Variants in TSR1 observed in about 807,000 individuals in gnomAD.
TSR1 encodes the protein TSR1 ribosome maturation factor.
TSR1 carries 81 observed loss-of-function variants against 90.9 expected under a neutral mutation model. The ratio of observed to expected loss-of-function variants is 0.89; its 90% CI spans 0.74 to 1.07. TSR1 has a LOEUF of 1.07. TSR1 is among the 50% of genes least tolerant of loss of function. The pLI is 0.00. For missense variants in TSR1, 989 were observed against 987.3 expected, an observed-to-expected ratio of 1.00 and a Z score of -0.02; for synonymous variants, 362 against 348.8, an observed-to-expected ratio of 1.04 and a Z score of -0.42.
In TSR1 at chr17:2,323,942, G is replaced by C; in HGVS notation, c.*254C>G. The C allele has an allele frequency of 1.3e-5, 18 of 1,398,962 alleles. No homozygotes were observed. Among genetic ancestry groups the C allele is most frequent in the Non-Finnish European group, 1.8e-5 (18 of 1,005,610 alleles). 86.7% of individuals were successfully genotyped at this position (1,398,962 alleles called of 1,614,324 possible). A position where few individuals can be genotyped will look rare whatever the true frequency, so the allele number is the denominator to read the frequency against. ...TGAAGACATTTTGTTTCCTAGTATT[G>C]TCAACTCTTAGTTATCAGATTCTTA... is the stretch of plus-strand genomic sequence containing the variant. On this transcript the variant is annotated 3_prime_UTR_variant, in exon 15 of 15. Transcript: ENST00000301364.
chr17:2,336,293 G>A (rs1246310619), intron 1 of TSR1, 38 bp downstream of exon 1: 7 of 1,612,286 alleles, frequency 4.3e-6, no homozygotes, highest in Middle Eastern at 1.6e-4. Flanking sequence ...GTTAATAACG[G>A]CCAAATAGCC....
chr17:2,329,652 G>C (rs1162222570), intron 10 of TSR1, among the ~76,000 whole-genome samples, 177 bp from the exon 11 acceptor site: 2 of 152,112 alleles, frequency 1.3e-5, no homozygotes, highest in Non-Finnish European at 2.9e-5. Context: ...ACCAATGACT[G>C]GCATTTAAGC....
chr17:2,324,685 C>A lies in TSR1; in HGVS notation c.2161+4G>T, dbSNP rs749819045. On this transcript the variant is annotated splice_donor_region_variant and intron_variant, in intron 13 of 14. Transcript: ENST00000301364. ...CAGATCCCATCCTCCTCCTTCATAC[C>A]CACCTCTGTTGAAGAACATGTAACG... The A allele has an allele frequency of 6.2e-7, 1 of 1,614,000 alleles. No homozygotes were observed. Among genetic ancestry groups the A allele is most frequent in the South Asian group, 1.1e-5 (1 of 91,062 alleles).
Position 2,324,814 on chromosome 17 carries a change from A to G in TSR1, c.2036T>C (p.Ile679Thr), listed in dbSNP as rs747800210. 8.7e-6 allele frequency: 14 copies of G among 1,613,258 alleles called. No homozygotes were observed. In the East Asian group the frequency reaches 8.9e-5, roughly 10 times the overall value. The change falls in exon 13 of 15, where the codon ATT (isoleucine) becomes ACT (threonine). Residue 679 changes from isoleucine (I) to threonine (T), a missense_variant. Physicochemically the swap from Ile to Thr is moderately conservative, Grantham distance 89. Transcript: ENST00000301364. Reference sequence around the variant, plus strand: ...TACTGACATAAGATGGCCTGTAGCAATGAGGCTGTGCATTCCTAAAGGACA... The same window carrying G: ...TACTGACATAAGATGGCCTGTAGCAGTGAGGCTGTGCATTCCTAAAGGACA... ...KQKSNGMHSL[I>T]ATGHLMSVDP...
At position 2,324,982 on chromosome 17, in the gene TSR1, C is replaced by G. The variant is rs964940364; in HGVS notation, c.2021-153G>C. On this transcript the variant is annotated intron_variant, in intron 12 of 14. Coordinates refer to ENST00000301364, the MANE Select transcript of TSR1 (RefSeq NM_018128.5). ...AAGATTGGTAAACTGTAAGCCCACACTTAACCTTGTCAATAGGTTCTTGAA... is the reference window on the plus strand; with the variant it reads ...AAGATTGGTAAACTGTAAGCCCACAGTTAACCTTGTCAATAGGTTCTTGAA... The G allele has an allele frequency of 1.7e-5, 14 of 801,150 alleles. No homozygotes were observed. The African/African-American group carries it at 2.4e-4, about 14-fold the overall frequency. The allele number at this position is 801,150 out of a possible 1,614,324, so 49.6% of individuals were successfully genotyped here.
At chr17:2,328,349 C>G (rs901555361) in intron 11 of TSR1, among the ~76,000 whole-genome samples, 3 of 150,748 alleles carry the variant, frequency 2.0e-5, no homozygotes, top group East Asian at 2.0e-4. Flanking sequence ...GAGTTCAAAA[C>G]CAGCCTGAAC....
In TSR1 at chr17:2,332,261, C is replaced by T. The variant is rs1293668917; in HGVS notation, c.1404G>A (p.Glu468=). ...GTTTATATTTCTCCAACATTTTTGCCTCAGCTTCTTCATCTACTTTCTTAT... is the reference window on the plus strand; with the variant it reads ...GTTTATATTTCTCCAACATTTTTGCTTCAGCTTCTTCATCTACTTTCTTAT... ...LYDKKVDEEA[E]AKMLEKYKQE... Residue 468 remains glutamate (E), a synonymous_variant, in exon 8 of 15, where the codon GAG becomes GAA. Coordinates refer to ENST00000301364, the MANE Select transcript of TSR1 (RefSeq NM_018128.5). 1 of 1,614,022 alleles carries T rather than the reference C, an allele frequency of 6.2e-7. No homozygotes were observed. The highest frequency in any genetic ancestry group is 2.2e-5 in the East Asian group (1 of 44,880).
chr17:2,325,110 G>C (rs937926812), intron 12 of TSR1, 194 bp downstream of exon 12: 8 of 598,554 alleles, frequency 1.3e-5, no homozygotes, highest in Non-Finnish European at 2.0e-5. Context: ...TTGAGGACTG[G>C]CTATACACTG....
intron 9 of TSR1, 36 bp from the exon 10 acceptor site, chr17:2,330,661 C>T: frequency 1.3e-6 from 2 of 1,595,252 alleles, no homozygotes; most frequent in Non-Finnish European, 1.7e-6. Context: ...CATGGAGTTA[C>T]CTTTCAAAGT....
In TSR1 at chr17:2,335,234, T is replaced by C. The variant is rs1368838194; in HGVS notation, c.556+26A>G. The C allele has an allele frequency of 3.7e-6, 6 of 1,609,598 alleles. No individual in the cohort carries two copies. In the Admixed American group the frequency reaches 1.0e-4, roughly 27 times the overall value. On this transcript the variant is annotated intron_variant, in intron 4 of 14. Transcript: ENST00000301364. ...GGCATAGTGCCTGACAAATTAAAGG[T>C]GCACAATAAATGCTAACTCACTTAC...
At chr17:2,333,479 G>A (rs535665361) in intron 6 of TSR1, 78 bp downstream of exon 6, 2 of 1,574,220 alleles carry the variant, frequency 1.3e-6, no homozygotes, top group Middle Eastern at 1.7e-4. Context: ...CTATCCTATA[G>A]GGCCCTCACT....
Position 2,334,591 on chromosome 17 carries a change from A to G in TSR1, c.862T>C (p.Leu288=). 2 of 1,614,142 alleles carry G rather than the reference A, an allele frequency of 1.2e-6. No homozygotes were observed. Among genetic ancestry groups the G allele is most frequent in the Non-Finnish European group, 1.7e-6 (2 of 1,180,034 alleles). ...TCACCATATCCAACGATATGCAGCA[A>G]CCTATTGACATTCAGAGTCTGCCCT... ...VRGQTLNVNR[L]LHIVGYGDFQ... is the part of the protein sequence containing the mutation. Residue 288 remains leucine, a synonymous_variant, in exon 5 of 15, where the codon TTG becomes CTG. Transcript: ENST00000301364.
Position 2,331,110 on chromosome 17 carries a change from C to T in TSR1, c.1497-1G>A. ...CTTAAGGCCTCTGTATTTCTGAAAT[C>T]TAGAATATTGAAGATTTTTAAAGAC... On this transcript the variant is annotated splice_acceptor_variant, in intron 8 of 14. Transcript: ENST00000301364. LOFTEE classifies it high-confidence loss of function. The T allele has an allele frequency of 6.4e-7, 1 of 1,571,642 alleles. No individual in the cohort carries two copies. The highest frequency in any genetic ancestry group is 8.6e-7 in the Non-Finnish European group (1 of 1,167,450).
Position 2,323,264 on chromosome 17 carries a change from A to G in TSR1, c.*932T>C, listed in dbSNP as rs1461043958. On this transcript the variant is annotated 3_prime_UTR_variant, in exon 15 of 15. Coordinates refer to ENST00000301364, the MANE Select transcript of TSR1 (RefSeq NM_018128.5). ...CAGAAACCATAGCAGATGGTGTCAA[A>G]TCCAGCATTGGCTTGAACACCTGGC... 4 of 1,614,220 alleles carry G rather than the reference A, an allele frequency of 2.5e-6. No homozygotes were observed. Among genetic ancestry groups the G allele is most frequent in the Non-Finnish European group, 3.4e-6 (4 of 1,180,022 alleles).
At position 2,324,942 on chromosome 17, in the gene TSR1, GC is replaced by G. The variant is rs2075566409; in HGVS notation, c.2021-114del. Reference sequence around the variant, plus strand: ...AGCCTGGTTTGTCATCCCTGCCCTAGCCCAATCTGAGGCTAAGATTGGTAAA... The same window carrying G: ...AGCCTGGTTTGTCATCCCTGCCCTAGCCAATCTGAGGCTAAGATTGGTAAA... On this transcript the variant is annotated intron_variant, in intron 12 of 14. Coordinates refer to ENST00000301364, the MANE Select transcript of TSR1 (RefSeq NM_018128.5). 8.8e-6 allele frequency: 11 copies of G among 1,248,446 alleles called. No individual in the cohort carries two copies. In the South Asian group the frequency reaches 1.4e-4, roughly 16 times the overall value. The allele number at this position is 1,248,446 out of a possible 1,614,324, so 77.3% of individuals were successfully genotyped here.
At chr17:2,331,136 A>G (rs757948356) in intron 8 of TSR1, 27 bp from the exon 9 acceptor site, 14 of 1,546,440 alleles carry the variant, frequency 9.1e-6, no homozygotes, top group Non-Finnish European at 1.1e-5. Flanking sequence ...TTTTAAAGAC[A>G]TTAAGTCAGA....
In TSR1 at chr17:2,335,292, G is replaced by A. The variant is rs1451412831; in HGVS notation, c.524C>T (p.Ser175Phe). The change falls in exon 4 of 15, where the codon TCC becomes TTC. Residue 175 changes from serine to phenylalanine, a missense_variant. Coordinates refer to ENST00000301364, the MANE Select transcript of TSR1 (RefSeq NM_018128.5). The part of the protein sequence containing the change: ...GWDSTGDYCL[S>F]CLFAQGLPTY... ...CGGAAGGCCCTGAGCAAAGAGGCAG[G>A]AAAGACAGTAATCACCGGTGCTGTC... 1.2e-6 allele frequency: 2 copies of A among 1,614,046 alleles called. No homozygotes were observed. The highest frequency in any genetic ancestry group is 1.7e-6 in the Non-Finnish European group (2 of 1,180,012).
rs1324808067 is a variant in TSR1 at position 2,331,067 on chromosome 17, T to G, written c.1539A>C (p.Pro513=). The G allele has an allele frequency of 6.2e-7, 1 of 1,605,716 alleles. No individual in the cohort carries two copies. Among genetic ancestry groups the G allele is most frequent in the African/African-American group, 1.3e-5 (1 of 74,300 alleles). The change falls in exon 9 of 15, where the codon CCA becomes CCC. Residue 513 remains proline (P), a synonymous_variant. Transcript: ENST00000301364. ...YRGLKSFRTS[P]WDPKENLPQD... Reference sequence around the variant, plus strand: ...GAGGAAGGTTTTCCTTAGGATCCCATGGAGATGTCCGGAAGCTCTTAAGGC... The same window carrying G: ...GAGGAAGGTTTTCCTTAGGATCCCAGGGAGATGTCCGGAAGCTCTTAAGGC...
intron 11 of TSR1, 113 bp downstream of exon 11, chr17:2,329,230 A>G: frequency 6.7e-7 from 1 of 1,497,042 alleles, no homozygotes; most frequent in Non-Finnish European, 9.3e-7. Context: ...TACTGAAAAT[A>G]CCTCTAACCC....
Sources: allele counts gnomAD v4.1 joint callset (sites outside exome capture counted in the v4.1 genomes callset), GRCh38; gene constraint gnomAD v4.1.1; transcripts MANE v1.5; gene names NCBI Gene and HGNC (gene_info 2026-07-23, HGNC 2026-07-21).